Variants in CLVS1 observed in about 807,000 individuals in gnomAD.
CLVS1 encodes clavesin 1, also known as clavesin-1.
CLVS1 carries 10 observed loss-of-function variants against 33.1 expected under a neutral mutation model. The ratio of observed to expected loss-of-function variants is 0.30; its 90% CI spans 0.19 to 0.51. The LOEUF is 0.51. Ranked by LOEUF, CLVS1 falls within the 20% of genes least tolerant of loss-of-function variation. The pLI is 0.97. For missense variants in CLVS1, 343 were observed against 433.4 expected (o/e 0.79, Z 1.85); for synonymous variants, 163 against 166.1 (o/e 0.98, Z 0.14).
the CLVS1 span, among the ~76,000 whole-genome samples, chr8:61,040,277 C>T: frequency 6.6e-6 from 1 of 152,186 alleles, no homozygotes. Flanking sequence ...CATATCTTTG[C>T]AATTGTGAAT....
At chr8:61,040,303 A>T in the CLVS1 span, among the ~76,000 whole-genome samples, 5 of 152,246 alleles carry the variant, frequency 3.3e-5, no homozygotes, top group South Asian at 1.0e-3. Context: ...TGTGATGAAC[A>T]TATTCATGCA....
chr8:61,066,507 A>G (rs75331094), intron 1 of CLVS1, among the ~76,000 whole-genome samples: 3 of 152,162 alleles, frequency 2.0e-5, no homozygotes, highest in Admixed American at 6.5e-5. Flanking sequence ...CAAGAAAAAA[A>G]GAAAAAGTGC....
intron 2 of CLVS1, among the ~76,000 whole-genome samples, chr8:61,328,634 C>A (rs1032570401): frequency 2.0e-5 from 3 of 152,134 alleles, no homozygotes; most frequent in African/African-American, 7.2e-5. Flanking sequence ...CTGCTCCAGA[C>A]AGAAAATTCC....
At chr8:61,388,523 C>T (rs1343558100) in intron 3 of CLVS1, among the ~76,000 whole-genome samples, 1 of 151,906 alleles carries the variant, frequency 6.6e-6, no homozygotes, top group Non-Finnish European at 1.5e-5. Context: ...CTTAATTATA[C>T]AGCAGTTGTA....
chr8:61,127,070 G>A (rs1805988288), intron 1 of CLVS1, among the ~76,000 whole-genome samples: 1 of 152,072 alleles, frequency 6.6e-6, no homozygotes. Context: ...ATTTTCCAAA[G>A]GAACCAAAAA....
intron 2 of CLVS1, among the ~76,000 whole-genome samples, chr8:61,141,391 T>C (rs570906648): frequency 6.6e-6 from 1 of 152,354 alleles, no homozygotes; most frequent in Non-Finnish European, 1.5e-5. Context: ...CTTGTGTGTG[T>C]GTATGTTATG....
At chr8:61,481,656 G>GTT (rs1207111776) in intron 5 of CLVS1, among the ~76,000 whole-genome samples, 1 of 152,210 alleles carries the variant, frequency 6.6e-6, no homozygotes, top group Admixed American at 6.5e-5. Flanking sequence ...GGAGAGGGGC[G>GTT]TCTGTCATTG....
chr8:61,136,621 G>T (rs1199282844), intron 2 of CLVS1, among the ~76,000 whole-genome samples: 2 of 152,128 alleles, frequency 1.3e-5, no homozygotes, highest in Non-Finnish European at 2.9e-5. Context: ...CTTACATGTG[G>T]GTGCTAAATG....
At chr8:61,064,895 GT>G (rs1335744711) in intron 1 of CLVS1, among the ~76,000 whole-genome samples, 2 of 152,170 alleles carry the variant, frequency 1.3e-5, no homozygotes, top group African/African-American at 4.8e-5. Flanking sequence ...TAGAGACAGG[GT>G]TTCACCAAGT....
chr8:61,260,519 T>TCCTCTCCA (rs1809180733), intron 2 of CLVS1, among the ~76,000 whole-genome samples: 1 of 152,162 alleles, frequency 6.6e-6, no homozygotes, highest in Non-Finnish European at 1.5e-5. Context: ...TCTCTCCATC[T>TCCTCTCCA]CCTCTCCACC....
At chr8:61,101,313 T>A (rs1376316598) in intron 1 of CLVS1, among the ~76,000 whole-genome samples, 1 of 152,210 alleles carries the variant, frequency 6.6e-6, no homozygotes, top group Non-Finnish European at 1.5e-5. Context: ...AGTTTGCATT[T>A]CTTTGATGGT....
intron 2 of CLVS1, among the ~76,000 whole-genome samples, chr8:61,194,282 A>AAAAAAG (rs1200571749): frequency 6.6e-6 from 1 of 152,088 alleles, no homozygotes; most frequent in Non-Finnish European, 1.5e-5. Context: ...AAAAGACAAA[A>AAAAAAG]ACCATTTATA....
intron 1 of CLVS1, among the ~76,000 whole-genome samples, chr8:61,293,649 T>G (rs1034699368): frequency 1.3e-5 from 2 of 152,298 alleles, no homozygotes; most frequent in Admixed American, 1.3e-4. Context: ...CTTTTGGTAT[T>G]CCTAGGTAAA....
intron 1 of CLVS1, among the ~76,000 whole-genome samples, chr8:61,109,297 C>T (rs528386758): frequency 6.6e-4 from 101 of 152,158 alleles, no homozygotes; most frequent in African/African-American, 2.4e-3. Context: ...CCATCAAAGG[C>T]CCTGGCACCT....
chr8:61,420,216 T>G (rs1455089625), intron 3 of CLVS1, among the ~76,000 whole-genome samples: 1 of 152,176 alleles, frequency 6.6e-6, no homozygotes, highest in East Asian at 1.9e-4. Context: ...TGATAATATA[T>G]TGCCTTTCAT....
At chr8:61,137,432 A>G (rs1267918379) in intron 2 of CLVS1, among the ~76,000 whole-genome samples, 1 of 152,178 alleles carries the variant, frequency 6.6e-6, no homozygotes. Context: ...CTGTTTTTCC[A>G]TTTAGAAAAT....
chr8:61,134,021 G>C (rs1806147017), intron 2 of CLVS1, among the ~76,000 whole-genome samples: 1 of 152,170 alleles, frequency 6.6e-6, no homozygotes, highest in South Asian at 2.1e-4. Flanking sequence ...GCTCAATGGA[G>C]TTAGTTTTAG....
the CLVS1 span, among the ~76,000 whole-genome samples, chr8:61,047,684 T>C: frequency 2.6e-5 from 4 of 152,078 alleles, no homozygotes; most frequent in African/African-American, 7.2e-5. Context: ...CAGTATACCA[T>C]CACAAGGACA....
chr8:61,269,748 G>T (rs1366390840), intron 2 of CLVS1, among the ~76,000 whole-genome samples: 1 of 147,686 alleles, frequency 6.8e-6, no homozygotes, highest in Non-Finnish European at 1.5e-5. Flanking sequence ...TTGTAAGTTG[G>T]ATTCCTAGGT....
Sources: allele counts gnomAD v4.1 joint callset (sites outside exome capture counted in the v4.1 genomes callset), GRCh38; gene constraint gnomAD v4.1.1; transcripts MANE v1.5; gene names NCBI Gene and HGNC (gene_info 2026-07-23, HGNC 2026-07-21).